The following SLC25A40 variants were observed in gnomAD, a reference collection of about 807,000 sequenced individuals.
The protein encoded by SLC25A40 is solute carrier family 25 member 40, also known as mitochondrial glutathione transporter SLC25A40.
In SLC25A40, 41 loss-of-function variants were observed where a neutral mutation model predicts 46.5. That is an observed-to-expected ratio of 0.88 (90% CI 0.69 to 1.14). The LOEUF (loss-of-function observed/expected upper bound fraction) is 1.14. Ranked by LOEUF, SLC25A40 falls within the 50% of genes most tolerant of loss-of-function variation. SLC25A40 has a pLI of 0.00. For missense variants in SLC25A40, 386 were observed against 393.6 expected, an observed-to-expected ratio of 0.98 and a Z score of 0.16; for synonymous variants, 126 against 127.5, an observed-to-expected ratio of 0.99 and a Z score of 0.08.
intron 10 of SLC25A40, among the ~76,000 whole-genome samples, chr7:87,837,527 C>CA: frequency 6.6e-6 from 1 of 151,062 alleles, no homozygotes; most frequent in South Asian, 2.1e-4. Flanking sequence ...TTATTTGCAA[C>CA]CACTCAAATA....
chr7:87,859,211 T>C (rs1175557783), intron 2 of SLC25A40, among the ~76,000 whole-genome samples: 2 of 152,016 alleles, frequency 1.3e-5, no homozygotes, highest in Non-Finnish European at 2.9e-5. Context: ...CCCCAGCACT[T>C]TTGGAGGCCG....
chr7:87,841,169 A>G (rs1838328598), intron 10 of SLC25A40, among the ~76,000 whole-genome samples: 1 of 148,604 alleles, frequency 6.7e-6, no homozygotes, highest in Admixed American at 6.8e-5. Context: ...GTATATATAT[A>G]TATATATACA....
chr7:87,846,177 T>A (rs1838415632), intron 8 of SLC25A40, among the ~76,000 whole-genome samples: 1 of 152,178 alleles, frequency 6.6e-6, no homozygotes, highest in Admixed American at 6.5e-5. Flanking sequence ...AACAATATAA[T>A]GTTTGGCAAT....
Position 87,834,341 on chromosome 7 carries a change from T to C in SLC25A40, c.*1908A>G, listed in dbSNP as rs1489772479. On this transcript the variant is annotated 3_prime_UTR_variant, in exon 12 of 12. Coordinates refer to ENST00000341119, the MANE Select transcript of SLC25A40 (RefSeq NM_018843.4). ...TTCTAGGTACTATTTTAATACAAAT[T>C]ATTATTATAGCAAAATTCTGAACAC... The C allele has an allele frequency of 1.3e-5, 2 of 151,726 alleles. No homozygotes were observed. The highest frequency in any genetic ancestry group is 2.4e-5 in the African/African-American group (1 of 41,394). 9.4% of individuals were successfully genotyped at this position (151,726 alleles called of 1,614,324 possible).
intron 5 of SLC25A40, among the ~76,000 whole-genome samples, chr7:87,852,141 T>C (rs1838522599): frequency 6.6e-6 from 1 of 152,204 alleles, no homozygotes; most frequent in African/African-American, 2.4e-5. Flanking sequence ...AAGATGTTAT[T>C]ACCCTCCAAA....
At chr7:87,863,603 TGTACATGTTTTGGGG>T (rs1478850152) in intron 1 of SLC25A40, among the ~76,000 whole-genome samples, 12 of 151,168 alleles carry the variant, frequency 7.9e-5, no homozygotes, top group African/African-American at 2.9e-4. Flanking sequence ...ACATACTAGA[TGTACATGTTTTGGGG>T]GTACATGTGA....
At chr7:87,858,820 T>A (rs568306103) in intron 2 of SLC25A40, 69 bp from the exon 3 acceptor site, 2 of 833,474 alleles carry the variant, frequency 2.4e-6, no homozygotes, top group East Asian at 5.3e-5. Flanking sequence ...ATCCTTCAGC[T>A]AAGCTGGGTG....
At chr7:87,858,133 G>A (rs1237072293) in intron 3 of SLC25A40, among the ~76,000 whole-genome samples, 2 of 152,158 alleles carry the variant, frequency 1.3e-5, no homozygotes, top group African/African-American at 2.4e-5. Flanking sequence ...GGTCAGACTG[G>A]ATCTCTGCTC....
At position 87,865,876 on chromosome 7, in the gene SLC25A40, G is replaced by A. The variant is rs536676291; in HGVS notation, c.-93-5236C>T. Among the ~76,000 whole-genome samples, 36 of 152,208 alleles carry A rather than the reference G, an allele frequency of 2.4e-4. 2 individuals carry two copies. The South Asian group carries it at 6.9e-3, about 29-fold the overall frequency. On this transcript the variant is annotated intron_variant, in intron 1 of 11. Coordinates refer to ENST00000341119, the MANE Select transcript of SLC25A40 (RefSeq NM_018843.4). ...GCAGGTGGATCGCTTGAGCCCAGGA[G>A]TTGAAGACCAGCATGGGCAACATGG...
At chr7:87,844,270 A>G (rs1321495124) in intron 8 of SLC25A40, among the ~76,000 whole-genome samples, 1 of 152,188 alleles carries the variant, frequency 6.6e-6, no homozygotes, top group Non-Finnish European at 1.5e-5. Flanking sequence ...ATGCAAAGGT[A>G]TATAATACAA....
intron 10 of SLC25A40, among the ~76,000 whole-genome samples, chr7:87,837,410 G>A (rs1159698508): frequency 1.3e-5 from 2 of 151,024 alleles, no homozygotes; most frequent in East Asian, 1.9e-4. Context: ...CCCTAGCAGT[G>A]TCCTGAGTTA....
At position 87,874,635 on chromosome 7, in the gene SLC25A40, T is replaced by C. The variant is rs140885368; in HGVS notation, c.-94+1461A>G. 3.3e-5 allele frequency among the ~76,000 whole-genome samples: 5 copies of C among 152,346 alleles called. No individual in the cohort carries two copies. In the East Asian group the frequency reaches 7.7e-4, roughly 23 times the overall value. ...ACTGGTGCAGTGTTCACTAGAATGA[T>C]AGTAATTATGGAGCTCTTAAGGAGC... On this transcript the variant is annotated intron_variant, in intron 1 of 11. Coordinates refer to ENST00000341119, the MANE Select transcript of SLC25A40 (RefSeq NM_018843.4).
In SLC25A40 at chr7:87,843,854, C is replaced by T; in HGVS notation, c.641G>A (p.Trp214Ter). 1.3e-6 allele frequency: 2 copies of T among 1,581,634 alleles called. No homozygotes were observed. The highest frequency in any genetic ancestry group is 1.8e-5 in the Admixed American group (1 of 56,544). Residue 214 changes from tryptophan (W) to a stop codon, truncating the protein, a stop_gained, in exon 9 of 12, where the codon TGG (tryptophan) becomes TAG (stop). Coordinates refer to ENST00000341119, the MANE Select transcript of SLC25A40 (RefSeq NM_018843.4). LOFTEE classifies it high-confidence loss of function. Reference sequence around the variant, plus strand: ...CTTCTTTAAAATTTCATAGTTATACCAGTACATTGCTATAAAAACAGAGAA... The same window carrying T: ...CTTCTTTAAAATTTCATAGTTATACTAGTACATTGCTATAAAAACAGAGAA... ...LRDVPFSAMY[W>*]YNYEILKKWL... is the part of the protein sequence containing the mutation.
At chr7:87,856,450 A>G (rs540151965) in intron 3 of SLC25A40, 99 bp from the exon 4 acceptor site, 3 of 918,774 alleles carry the variant, frequency 3.3e-6, no homozygotes, top group South Asian at 2.6e-5. Flanking sequence ...ACTTTTCCTC[A>G]TGGCTATATA....
intron 1 of SLC25A40, among the ~76,000 whole-genome samples, chr7:87,864,492 A>G (rs10278291): frequency 0.14 from 21,633 of 152,246 alleles, 2,502 homozygotes; most frequent in African/African-American, 0.32. Context: ...TTTATATATC[A>G]GGGTGTTCCC....
At chr7:87,843,535 CA>C (rs1196802308) in intron 9 of SLC25A40, among the ~76,000 whole-genome samples, 1 of 151,906 alleles carries the variant, frequency 6.6e-6, no homozygotes, top group African/African-American at 2.4e-5. Flanking sequence ...AAAAGTTTCT[CA>C]GAAAAATATG....
intron 3 of SLC25A40, among the ~76,000 whole-genome samples, chr7:87,857,563 G>A (rs557335470): frequency 7.2e-5 from 11 of 152,250 alleles, no homozygotes; most frequent in African/African-American, 2.6e-4. Flanking sequence ...AGGTGGAGCC[G>A]CAGCAAAGGA....
chr7:87,833,827 C>G lies in SLC25A40; in HGVS notation c.*2422G>C, dbSNP rs1442939036. The G allele has an allele frequency of 6.6e-6, 1 of 151,742 alleles. No homozygotes were observed. Among genetic ancestry groups the G allele is most frequent in the Non-Finnish European group, 1.5e-5 (1 of 67,880 alleles). The allele number at this position is 151,742 out of a possible 1,614,324, so 9.4% of individuals were successfully genotyped here. ...TCCTGTTCCTCTCCCTCCTCCCACC[C>G]TCCACCCTTTGATAGGCCCCAGTAC... On this transcript the variant is annotated 3_prime_UTR_variant, in exon 12 of 12. Coordinates refer to ENST00000341119, the MANE Select transcript of SLC25A40 (RefSeq NM_018843.4).
At chr7:87,849,200 G>T (rs1280319725) in intron 6 of SLC25A40, among the ~76,000 whole-genome samples, 2 of 152,124 alleles carry the variant, frequency 1.3e-5, no homozygotes, top group Non-Finnish European at 1.5e-5. Context: ...CCATATGCTT[G>T]TGTAGCAAAG....
Sources: gnomAD v4.1 joint callset for allele counts (sites outside exome capture counted in the v4.1 genomes callset) on GRCh38, gnomAD v4.1.1 for gene constraint, MANE v1.5 for transcripts, NCBI Gene and HGNC (gene_info 2026-07-23, HGNC 2026-07-21) for gene names.